Variants in NEK4 observed in about 807,000 individuals in gnomAD.
NEK4 encodes serine/threonine-protein kinase Nek4.
NEK4 carries 86 observed loss-of-function variants against 98.4 expected under a neutral mutation model. The observed-to-expected ratio is 0.87, with a 90% CI of 0.73 to 1.05. The LOEUF (loss-of-function observed/expected upper bound fraction) is 1.05, where lower values mean the gene tolerates loss of function less well. Among genes scored for constraint, NEK4 ranks in the 50% least tolerant of loss-of-function variants. The pLI, the probability that NEK4 is intolerant of heterozygous loss-of-function variation, is 0.00. For missense variants in NEK4, 898 were observed against 950.3 expected (o/e 0.94, Z 0.72); for synonymous variants, 328 against 342.2 (o/e 0.96, Z 0.46).
At chr3:52,727,024 G>C (rs1332418318) in intron 15 of NEK4, among the ~76,000 whole-genome samples, 1 of 137,294 alleles carries the variant, frequency 7.3e-6, no homozygotes, top group African/African-American at 2.7e-5. Context: ...GCCCAGGCTA[G>C]AATGCAATGG....
rs1698755094 is a variant in NEK4 at position 52,770,790 on chromosome 3, G to A, written c.-44C>T. ...GAGTCGGGATGCGGCGGCAGCGGCG[G>A]GTAGGGCAGCGGGCGGCAACAAGAA... On this transcript the variant is annotated 5_prime_UTR_variant, in exon 1 of 16. Coordinates refer to ENST00000233027, the MANE Select transcript of NEK4 (RefSeq NM_003157.6). The A allele has an allele frequency of 6.6e-7, 1 of 1,513,386 alleles. No homozygotes were observed. Among genetic ancestry groups the A allele is most frequent in the Non-Finnish European group, 8.9e-7 (1 of 1,119,310 alleles). The allele number at this position is 1,513,386 out of a possible 1,614,324, so 93.7% of individuals were successfully genotyped here.
At chr3:52,722,879 G>A (rs1212626206) in intron 15 of NEK4, among the ~76,000 whole-genome samples, 3 of 152,156 alleles carry the variant, frequency 2.0e-5, no homozygotes, top group Non-Finnish European at 4.4e-5. Context: ...CTGAGCGACA[G>A]AGCGAGACTC....
chr3:52,767,738 A>G lies in NEK4; in HGVS notation c.360+600T>C, dbSNP rs191190043. On this transcript the variant is annotated intron_variant, in intron 2 of 15. Transcript: ENST00000233027. Reference sequence around the variant, plus strand: ...CGTCTCAAAAGAAAAAAAAAAAAAGAGAGAAAGTATCTCAGAATTTAAACA... The same window carrying G: ...CGTCTCAAAAGAAAAAAAAAAAAAGGGAGAAAGTATCTCAGAATTTAAACA... 3.3e-3 allele frequency among the ~76,000 whole-genome samples: 495 copies of G among 151,976 alleles called. 3 individuals are homozygous for G. Among genetic ancestry groups the G allele is most frequent in the Non-Finnish European group, 5.3e-3 (361 of 67,926 alleles).
chr3:52,767,620 A>G (rs1698619386), intron 2 of NEK4, among the ~76,000 whole-genome samples: 1 of 151,952 alleles, frequency 6.6e-6, no homozygotes, highest in Non-Finnish European at 1.5e-5. Flanking sequence ...TGGGAGGCTG[A>G]GGCAGGAGAA....
rs139489962 is a variant in NEK4, at chr3:52,730,450, T to C, written c.2433+7136A>G. ...GTTCATTTTATGAGGCTGACGACAA[T>C]GCCCTGGTGCTGGGGCCAGACAGGG... is the stretch of plus-strand genomic sequence containing the variant. On this transcript the variant is annotated intron_variant, in intron 15 of 15. Coordinates refer to ENST00000233027, the MANE Select transcript of NEK4 (RefSeq NM_003157.6). 1.5e-3 allele frequency among the ~76,000 whole-genome samples: 234 copies of C among 152,312 alleles called. 1 individual carries two copies. The highest frequency in any genetic ancestry group is 5.5e-3 in the African/African-American group (229 of 41,556).
intron 15 of NEK4, chr3:52,733,717 CAA>C: frequency 2.3e-6 from 1 of 443,880 alleles, no homozygotes. Context: ...TCTTCGGACA[CAA>C]GTTATACCTA....
rs574123859 is a variant in NEK4 at position 52,733,614 on chromosome 3, C to T, written c.2433+3972G>A. On this transcript the variant is annotated intron_variant, in intron 15 of 15. Coordinates refer to ENST00000233027, the MANE Select transcript of NEK4 (RefSeq NM_003157.6). Reference sequence around the variant, plus strand: ...AGAGAAGCCTTACAAATGTAACAAACGTTGAAAGCATTTAGCAAGCATTCA... The same window carrying T: ...AGAGAAGCCTTACAAATGTAACAAATGTTGAAAGCATTTAGCAAGCATTCA... 50 of 504,360 alleles carry T rather than the reference C, an allele frequency of 9.9e-5. No individual in the cohort carries two copies. In the East Asian group the frequency reaches 1.5e-3, roughly 15 times the overall value. 31.2% of individuals were successfully genotyped at this position (504,360 alleles called of 1,614,324 possible).
chr3:52,733,667 A>G, intron 15 of NEK4: 1 of 466,388 alleles, frequency 2.1e-6, no homozygotes, highest in African/African-American at 2.0e-5. Context: ...TCTAATCCAT[A>G]CTGGAGAGAA....
chr3:52,729,353 G>A (rs1365323973), intron 15 of NEK4, among the ~76,000 whole-genome samples: 1 of 151,938 alleles, frequency 6.6e-6, no homozygotes, highest in African/African-American at 2.4e-5. Context: ...TTGGGGGTGG[G>A]TTCCCCCAAT....
chr3:52,745,543 C>T (rs1358119010), intron 10 of NEK4, among the ~76,000 whole-genome samples: 1 of 151,480 alleles, frequency 6.6e-6, no homozygotes, highest in East Asian at 2.0e-4. Context: ...TGTGCCACTG[C>T]ACTCCAGCCT....
chr3:52,716,058 C>T (rs1300442958), intron 15 of NEK4, among the ~76,000 whole-genome samples: 2 of 152,206 alleles, frequency 1.3e-5, no homozygotes, highest in African/African-American at 2.4e-5. Context: ...GTACCCATGC[C>T]GGCACCTGGA....
At position 52,708,840 on chromosome 3, in the gene NEK4, T is replaced by TGTAA. The variant is rs1578603839; in HGVS notation, c.*2933_*2936dup. 1 of 152,130 alleles carries TGTAA rather than the reference T, an allele frequency of 6.6e-6. No homozygotes were observed. The highest frequency in any genetic ancestry group is 6.5e-5 in the Admixed American group (1 of 15,270). The allele number at this position is 152,130 out of a possible 1,614,324, so 9.4% of individuals were successfully genotyped here. On this transcript the variant is annotated 3_prime_UTR_variant, in exon 16 of 16. Transcript: ENST00000233027. ...CAAGGACATAAAACTTCCTTAGCTT[T>TGTAA]GTAAGTCTGTGGAAATCAAAACTTC...
At chr3:52,750,299 G>A (rs1371219113) in intron 7 of NEK4, among the ~76,000 whole-genome samples, 3 of 152,204 alleles carry the variant, frequency 2.0e-5, no homozygotes, top group Non-Finnish European at 4.4e-5. Context: ...TGTAATCCCA[G>A]CACTTTGGGA....
intron 1 of NEK4, 97 bp from the exon 2 acceptor site, chr3:52,768,701 A>G: frequency 9.4e-7 from 1 of 1,068,250 alleles, no homozygotes; most frequent in East Asian, 2.4e-5. Context: ...CTCAAAACCA[A>G]CCTTGTGGAG....
intron 15 of NEK4, among the ~76,000 whole-genome samples, chr3:52,717,225 T>C (rs545841982): frequency 5.7e-4 from 86 of 152,112 alleles, no homozygotes; most frequent in African/African-American, 2.0e-3. Context: ...CTGGCCAACA[T>C]GGTGAAACCG....
intron 6 of NEK4, among the ~76,000 whole-genome samples, chr3:52,759,700 A>C (rs1698283672): frequency 6.6e-6 from 1 of 152,220 alleles, no homozygotes; most frequent in Non-Finnish European, 1.5e-5. Context: ...CCAAAAAAAA[A>C]GTCAAACCAA....
At chr3:52,741,236 CAAAAAAAAAAAA>C (rs35123782) in intron 13 of NEK4, among the ~76,000 whole-genome samples, 163 bp downstream of exon 13, 4 of 59,602 alleles carry the variant, frequency 6.7e-5, no homozygotes, top group African/African-American at 1.9e-4. Context: ...AACTCCGTCT[CAAAAAAAAAAAA>C]AAAAAAAAAA....
At chr3:52,752,628 G>A (rs2097407236) in intron 6 of NEK4, among the ~76,000 whole-genome samples, 1 of 151,874 alleles carries the variant, frequency 6.6e-6, no homozygotes, top group Non-Finnish European at 1.5e-5. Flanking sequence ...TGCCAGGCAC[G>A]GTGGCTCACA....
chr3:52,764,036 G>A (rs144059607), intron 4 of NEK4, among the ~76,000 whole-genome samples: 1 of 152,344 alleles, frequency 6.6e-6, no homozygotes, highest in Non-Finnish European at 1.5e-5. Flanking sequence ...TGTAATCCCA[G>A]CACTTTGGGA....
Sources: allele counts gnomAD v4.1 joint callset (sites outside exome capture counted in the v4.1 genomes callset), GRCh38; gene constraint gnomAD v4.1.1; transcripts MANE v1.5; gene names NCBI Gene and HGNC (gene_info 2026-07-23, HGNC 2026-07-21).